SAMD5: variants seen among roughly 807,000 people sequenced by gnomAD.
The protein encoded by SAMD5 is sterile alpha motif domain-containing protein 5.
SAMD5 carries 13 observed loss-of-function variants against 11.3 expected under a neutral mutation model. That is an observed-to-expected ratio of 1.15 (90% confidence interval 0.75 to 1.83). SAMD5 has a LOEUF of 1.83. Ranked by LOEUF, SAMD5 falls within the 40% of genes most tolerant of loss-of-function variation. SAMD5 has a pLI of 0.00. For synonymous variants in SAMD5, 129 were observed against 111.3 expected (o/e 1.16, Z -1.00); for missense variants, 255 against 239.1 (o/e 1.07, Z -0.44).
At chr6:147,527,042 T>C (rs542769249) in intron 1 of SAMD5, among the ~76,000 whole-genome samples, 219 of 152,354 alleles carry the variant, frequency 1.4e-3, no homozygotes, top group Non-Finnish European at 2.5e-3. Context: ...TCACCCCTTT[T>C]ACTGTATCCC....
At chr6:147,818,499 G>A in the SAMD5 span, among the ~76,000 whole-genome samples, 2 of 152,076 alleles carry the variant, frequency 1.3e-5, no homozygotes, top group African/African-American at 4.8e-5. Flanking sequence ...TAGTGTGCAG[G>A]ACTGGAAGGC....
intron 1 of SAMD5, among the ~76,000 whole-genome samples, chr6:147,561,257 G>C (rs139216301): frequency 3.9e-5 from 6 of 152,188 alleles, no homozygotes; most frequent in Admixed American, 1.3e-4. Context: ...GCCTGATCTC[G>C]GCTCACTGCA....
At chr6:147,733,110 C>T (rs781101989) in intron 1 of SAMD5, among the ~76,000 whole-genome samples, 1 of 152,154 alleles carries the variant, frequency 6.6e-6, no homozygotes, top group South Asian at 2.1e-4. Context: ...TTCATTTATA[C>T]TTGAAGCGAA....
chr6:147,842,980 C>G, the SAMD5 span, among the ~76,000 whole-genome samples: 1 of 152,198 alleles, frequency 6.6e-6, no homozygotes, highest in African/African-American at 2.4e-5. Flanking sequence ...CCACCTCAGC[C>G]TCTCAAGTAG....
chr6:147,544,555 C>A (rs1788655862), intron 1 of SAMD5, among the ~76,000 whole-genome samples: 1 of 151,978 alleles, frequency 6.6e-6, no homozygotes, highest in African/African-American at 2.4e-5. Flanking sequence ...TCCTTGTTAC[C>A]CTTTTGCAAA....
intron 1 of SAMD5, among the ~76,000 whole-genome samples, chr6:147,612,640 A>G (rs745952824): frequency 3.9e-5 from 6 of 151,992 alleles, no homozygotes; most frequent in Non-Finnish European, 7.4e-5. Flanking sequence ...AACTTTTTTT[A>G]TTTTTGAGAA....
At chr6:147,734,711 T>TAAAAAAAAAAAAAAAAAAAAAA (rs61482319) in intron 1 of SAMD5, among the ~76,000 whole-genome samples, 5 of 26,110 alleles carry the variant, frequency 1.9e-4, no homozygotes, top group Middle Eastern at 0.036. Flanking sequence ...AGACTCCATC[T>TAAAAAAAAAAAAAAAAAAAAAA]AAAAAAAAAA....
intron 1 of SAMD5, among the ~76,000 whole-genome samples, chr6:147,620,659 A>C (rs1789945534): frequency 6.6e-6 from 1 of 152,176 alleles, no homozygotes; most frequent in Admixed American, 6.5e-5. Flanking sequence ...TCCCCAAAGA[A>C]GAGCTTTCTC....
rs143285810 is a variant in SAMD5, at chr6:147,692,681, T to G, written c.163-44636T>G. ...AGATGCAATTGGCCAGTGACACAAG[T>G]GTGGTCCTGTGGTCTCTACAATGCA... On this transcript the variant is annotated intron_variant, in intron 1 of 1. Coordinates refer to the SAMD5 transcript ENST00000566741. Among the ~76,000 whole-genome samples the G allele has an allele frequency of 1.5e-3, 233 of 152,332 alleles. 1 individual carries two copies. The highest frequency in any genetic ancestry group is 5.4e-3 in the African/African-American group (226 of 41,582).
chr6:147,724,170 C>G (rs1791594021), intron 1 of SAMD5, among the ~76,000 whole-genome samples: 1 of 152,140 alleles, frequency 6.6e-6, no homozygotes. Context: ...CTCTGTCACC[C>G]AGGCTGGAGT....
At chr6:147,701,830 TGA>T (rs550159800) in intron 1 of SAMD5, among the ~76,000 whole-genome samples, 3 of 152,024 alleles carry the variant, frequency 2.0e-5, no homozygotes, top group Non-Finnish European at 4.4e-5. Flanking sequence ...AAATAGAGCT[TGA>T]GAGAGAGAAC....
the SAMD5 span, among the ~76,000 whole-genome samples, chr6:147,937,032 C>A: frequency 6.6e-6 from 1 of 152,028 alleles, no homozygotes; most frequent in South Asian, 2.1e-4. Context: ...ATCCTGCTTG[C>A]CATGGACCTG....
chr6:147,560,136 T>C (rs1002572512), intron 1 of SAMD5, among the ~76,000 whole-genome samples: 1 of 152,210 alleles, frequency 6.6e-6, no homozygotes, highest in South Asian at 2.1e-4. Flanking sequence ...TGACATTACA[T>C]ATAATGCTCC....
chr6:147,794,370 A>G, the SAMD5 span, among the ~76,000 whole-genome samples: 1 of 152,140 alleles, frequency 6.6e-6, no homozygotes, highest in South Asian at 2.1e-4. Context: ...CTTATGCAGG[A>G]TATAAACTCA....
the SAMD5 span, among the ~76,000 whole-genome samples, chr6:147,820,605 C>T: frequency 3.9e-5 from 6 of 152,124 alleles, no homozygotes; most frequent in Non-Finnish European, 8.8e-5. Context: ...GAAAGTTACA[C>T]CGTAGGAGAC....
intron 1 of SAMD5, among the ~76,000 whole-genome samples, chr6:147,604,092 A>C (rs1173573158): frequency 2.0e-5 from 3 of 152,206 alleles, no homozygotes; most frequent in Non-Finnish European, 4.4e-5. Context: ...TATTATGATA[A>C]AATAATGTTT....
At chr6:147,826,956 G>A in the SAMD5 span, among the ~76,000 whole-genome samples, 1 of 151,998 alleles carries the variant, frequency 6.6e-6, no homozygotes, top group Non-Finnish European at 1.5e-5. Context: ...GAGCTGAATG[G>A]GTACTATTAT....
the SAMD5 span, among the ~76,000 whole-genome samples, chr6:147,873,428 TCTGA>T: frequency 9.9e-4 from 151 of 152,248 alleles, 2 homozygotes; most frequent in East Asian, 0.025. Flanking sequence ...TGGTATCTAT[TCTGA>T]CTGTGTTGTT....
chr6:147,546,149 G>T (rs1236053294), intron 1 of SAMD5, among the ~76,000 whole-genome samples: 1 of 152,162 alleles, frequency 6.6e-6, no homozygotes, highest in Non-Finnish European at 1.5e-5. Context: ...TGACTCAGGG[G>T]TCCAAGCTCC....
Sources: allele counts gnomAD v4.1 joint callset (sites outside exome capture counted in the v4.1 genomes callset), GRCh38; gene constraint gnomAD v4.1.1; transcripts MANE v1.5; gene names NCBI Gene and HGNC (gene_info 2026-07-23, HGNC 2026-07-21).